SLC44A5: variants seen among roughly 807,000 people sequenced by gnomAD.
SLC44A5 encodes the protein choline transporter-like protein 5.
A neutral mutation model predicts 101.8 loss-of-function variants in SLC44A5; 57 were observed. The ratio of observed to expected loss-of-function variants is 0.56; its 90% CI spans 0.45 to 0.70. The LOEUF is 0.70. SLC44A5 is among the 30% of genes least tolerant of loss of function. The pLI is 0.00. For synonymous variants in SLC44A5, 281 were observed against 290.9 expected (o/e 0.97, Z 0.35); for missense variants, 737 against 853.1 (o/e 0.86, Z 1.70).
chr1:75,659,244 A>C, the SLC44A5 span, among the ~76,000 whole-genome samples: 16 of 151,074 alleles, frequency 1.1e-4, no homozygotes, highest in Admixed American at 2.7e-4. Context: ...AAATACTTCC[A>C]AACTCATTCT....
At chr1:75,432,257 G>C (rs1216291276) in intron 2 of SLC44A5, among the ~76,000 whole-genome samples, 6 of 152,170 alleles carry the variant, frequency 3.9e-5, no homozygotes, top group Non-Finnish European at 8.8e-5. Context: ...TTGAATCGAA[G>C]TATGAATATT....
upstream of SLC44A5, among the ~76,000 whole-genome samples, chr1:75,613,664 T>C (rs917451163): frequency 2.0e-5 from 3 of 152,250 alleles, no homozygotes; most frequent in Admixed American, 2.0e-4. Flanking sequence ...ATTTTTAAAG[T>C]ACTACATAAA....
At chr1:75,372,196 C>CAAAAA (rs770556856) in intron 3 of SLC44A5, among the ~76,000 whole-genome samples, 2 of 81,808 alleles carry the variant, frequency 2.4e-5, no homozygotes, top group African/African-American at 4.6e-5. Flanking sequence ...GACTCTGTCT[C>CAAAAA]AAAAAAAAAA....
intron 2 of SLC44A5, among the ~76,000 whole-genome samples, chr1:75,450,714 T>C (rs1665857002): frequency 6.6e-6 from 1 of 152,136 alleles, no homozygotes; most frequent in African/African-American, 2.4e-5. Context: ...TGTGATGAAG[T>C]GGGGCCCTCT....
intron 2 of SLC44A5, among the ~76,000 whole-genome samples, chr1:75,413,331 C>A (rs1186308611): frequency 2.6e-5 from 4 of 152,084 alleles, no homozygotes; most frequent in African/African-American, 9.7e-5. Context: ...TATCCATAAA[C>A]AAGCATATTT....
the SLC44A5 span, among the ~76,000 whole-genome samples, chr1:75,653,970 A>G: frequency 1.3e-5 from 2 of 152,216 alleles, no homozygotes; most frequent in African/African-American, 4.8e-5. Context: ...TTGTAACCCA[A>G]AAAACAACTA....
intron 4 of SLC44A5, among the ~76,000 whole-genome samples, chr1:75,311,336 C>T (rs371548834): frequency 3.3e-5 from 5 of 152,226 alleles, no homozygotes; most frequent in African/African-American, 4.8e-5. Context: ...ACGCTGGTCT[C>T]GAACTCCTGA....
intron 5 of SLC44A5, among the ~76,000 whole-genome samples, chr1:75,284,227 G>C (rs1226006974): frequency 6.6e-6 from 1 of 151,992 alleles, no homozygotes; most frequent in Non-Finnish European, 1.5e-5. Context: ...CCTTGGTTTG[G>C]TATATTCCTA....
At chr1:75,432,306 G>C (rs1664660143) in intron 2 of SLC44A5, among the ~76,000 whole-genome samples, 1 of 152,060 alleles carries the variant, frequency 6.6e-6, no homozygotes, top group Non-Finnish European at 1.5e-5. Context: ...CCACTATGAG[G>C]CTGTTTCAAC....
chr1:75,421,053 T>C lies in SLC44A5; in HGVS notation c.14-24432A>G, dbSNP rs147340518. ...ATAACTACTGTTTCAGAGGGGGAAATAGTTGTGTCTTTCTCACAGGATTGT... is the reference window on the plus strand; with the variant it reads ...ATAACTACTGTTTCAGAGGGGGAAACAGTTGTGTCTTTCTCACAGGATTGT... On this transcript the variant is annotated intron_variant, in intron 2 of 23. Transcript: ENST00000370859. Among the ~76,000 whole-genome samples the C allele has an allele frequency of 4.9e-3, 750 of 152,144 alleles. 7 individuals carry two copies. The highest frequency in any genetic ancestry group is 0.017 in the African/African-American group (724 of 41,518).
chr1:75,514,956 A>G (rs577104802), intron 2 of SLC44A5, among the ~76,000 whole-genome samples: 39 of 152,358 alleles, frequency 2.6e-4, no homozygotes, highest in African/African-American at 9.1e-4. Flanking sequence ...TTTTAATCCA[A>G]GTAATTTTAT....
intron 2 of SLC44A5, among the ~76,000 whole-genome samples, chr1:75,453,573 C>T (rs1666020576): frequency 6.6e-6 from 1 of 151,680 alleles, no homozygotes; most frequent in Non-Finnish European, 1.5e-5. Flanking sequence ...CAATTGAGAC[C>T]CTTTGAAATT....
chr1:75,216,005 T>C (rs1646954639), intron 18 of SLC44A5, 148 bp from the exon 19 acceptor site: 4 of 548,892 alleles, frequency 7.3e-6, no homozygotes, highest in Admixed American at 6.8e-5. Context: ...TTTAACCATT[T>C]TTAAGTGTAC....
chr1:75,543,807 G>T (rs1440873589), intron 1 of SLC44A5, among the ~76,000 whole-genome samples: 6 of 151,576 alleles, frequency 4.0e-5, no homozygotes, highest in Admixed American at 4.0e-4. Context: ...TTGCTAAATT[G>T]TACTGACAAA....
intron 2 of SLC44A5, among the ~76,000 whole-genome samples, chr1:75,509,393 G>A (rs894839994): frequency 6.6e-6 from 1 of 152,164 alleles, no homozygotes; most frequent in Admixed American, 6.5e-5. Context: ...AGAACTAGAA[G>A]ACTCAATATG....
chr1:75,247,400 G>A (rs1454962044), intron 7 of SLC44A5, among the ~76,000 whole-genome samples: 1 of 152,122 alleles, frequency 6.6e-6, no homozygotes, highest in Non-Finnish European at 1.5e-5. Context: ...TTAAATTTGA[G>A]ATGCCAACCA....
intron 2 of SLC44A5, among the ~76,000 whole-genome samples, chr1:75,481,966 C>T (rs1438077509): frequency 6.6e-6 from 1 of 152,134 alleles, no homozygotes; most frequent in East Asian, 1.9e-4. Flanking sequence ...AAGACACATG[C>T]ACACGTATGT....
the SLC44A5 span, among the ~76,000 whole-genome samples, chr1:75,681,627 T>C: frequency 1.3e-5 from 2 of 150,350 alleles, no homozygotes; most frequent in Admixed American, 6.7e-5. Context: ...AAGAGCTATC[T>C]ATGACAAACC....
chr1:75,311,333 T>G (rs558082991), intron 4 of SLC44A5, among the ~76,000 whole-genome samples: 80 of 152,312 alleles, frequency 5.3e-4, no homozygotes, highest in African/African-American at 1.9e-3. Flanking sequence ...GCCACGCTGG[T>G]CTCGAACTCC....
Sources: allele counts gnomAD v4.1 joint callset (sites outside exome capture counted in the v4.1 genomes callset), GRCh38; gene constraint gnomAD v4.1.1; transcripts MANE v1.5; gene names NCBI Gene and HGNC (gene_info 2026-07-23, HGNC 2026-07-21).